The following TMEM41B variants were observed in gnomAD, a reference collection of about 807,000 sequenced individuals.
TMEM41B encodes transmembrane protein 41B.
A neutral mutation model predicts 31.9 loss-of-function variants in TMEM41B; 18 were observed. The ratio of observed to expected loss-of-function variants is 0.56; its 90% CI spans 0.39 to 0.84. The LOEUF is 0.84. TMEM41B is among the 40% of genes least tolerant of loss of function. The pLI is 0.00. For missense variants in TMEM41B, 322 were observed against 348.0 expected (o/e 0.93, Z 0.59); for synonymous variants, 144 against 124.3 (o/e 1.16, Z -1.05).
chr11:9,286,994 C>CT (rs936799310), intron 5 of TMEM41B, among the ~76,000 whole-genome samples: 2 of 150,070 alleles, frequency 1.3e-5, no homozygotes, highest in Admixed American at 1.3e-4. Flanking sequence ...GAGCGAAACT[C>CT]TGACTCAAAA....
chr11:9,311,338 T>C, intron 1 of TMEM41B: 1 of 1,514,780 alleles, frequency 6.6e-7, no homozygotes, highest in Non-Finnish European at 9.1e-7. Flanking sequence ...TGCATCTTTT[T>C]ATGAGCTTTC....
At chr11:9,287,106 G>GAC (rs1371583597) in intron 5 of TMEM41B, among the ~76,000 whole-genome samples, 1 of 151,748 alleles carries the variant, frequency 6.6e-6, no homozygotes, top group Non-Finnish European at 1.5e-5. Flanking sequence ...TGGAGTTCGA[G>GAC]ACCAGCCTGG....
intron 1 of TMEM41B, among the ~76,000 whole-genome samples, chr11:9,309,130 C>G (rs1853470503): frequency 6.6e-6 from 1 of 152,030 alleles, no homozygotes; most frequent in Admixed American, 6.6e-5. Context: ...GCCTGTAATC[C>G]CGGCTACTGG....
chr11:9,310,459 A>T (rs1334072435), intron 1 of TMEM41B, among the ~76,000 whole-genome samples: 2 of 152,068 alleles, frequency 1.3e-5, no homozygotes, highest in Non-Finnish European at 1.5e-5. Flanking sequence ...TTTTAAAAAA[A>T]TGCTTATTAT....
chr11:9,311,585 G>C (rs1853563616), intron 1 of TMEM41B: 1 of 1,065,076 alleles, frequency 9.4e-7, no homozygotes, highest in South Asian at 1.5e-5. Flanking sequence ...CTGGGGGAAA[G>C]GGTGGGTTGA....
In TMEM41B at chr11:9,294,180, C is replaced by CAAAAAAAA. The variant is rs538372314; in HGVS notation, c.368+1071_368+1078dup. On this transcript the variant is annotated intron_variant, in intron 3 of 6. Transcript: ENST00000528080. ...TGGGTGACAGGGGGAGAACCTGTCT[C>CAAAAAAAA]AAAAAAAAAAAAAAAAAAAAAAAAA... Among the ~76,000 whole-genome samples, 10 of 73,442 alleles carry CAAAAAAAA rather than the reference C, an allele frequency of 1.4e-4. 1 individual carries two copies. The highest frequency in any genetic ancestry group is 5.0e-4 in the African/African-American group (8 of 16,052). 48.2% of individuals were successfully genotyped at this position (73,442 alleles called of 152,430 possible). A position where few individuals can be genotyped will look rare whatever the true frequency, so the allele number is the denominator to read the frequency against.
intron 1 of TMEM41B, among the ~76,000 whole-genome samples, chr11:9,309,555 A>T (rs72850531): frequency 0.17 from 22,644 of 136,904 alleles, 2,091 homozygotes; most frequent in Non-Finnish European, 0.21. Flanking sequence ...TGCTCATAGT[A>T]GACACCTGAG....
Position 9,286,449 on chromosome 11 carries a change from G to T in TMEM41B, c.706+6C>A, listed in dbSNP as rs1239490190. 10 of 1,607,804 alleles carry T rather than the reference G, an allele frequency of 6.2e-6. No individual in the cohort carries two copies. Among genetic ancestry groups the T allele is most frequent in the Non-Finnish European group, 8.5e-6 (10 of 1,177,452 alleles). On this transcript the variant is annotated splice_donor_region_variant and intron_variant, in intron 6 of 6. Coordinates refer to ENST00000528080, the MANE Select transcript of TMEM41B (RefSeq NM_015012.4). ...GCTCATACACAGCAAGAACCAGAGG[G>T]CTTACCTAGAAAAGTACCAATAAAA...
chr11:9,289,320 ATTT>A (rs11333738), intron 3 of TMEM41B, among the ~76,000 whole-genome samples: 3 of 147,540 alleles, frequency 2.0e-5, no homozygotes, highest in Admixed American at 6.8e-5. Flanking sequence ...TTTAAAATAG[ATTT>A]TTTTTTTTTT....
chr11:9,281,419 T>C lies in TMEM41B; in HGVS notation c.*2005A>G, dbSNP rs571955109. The C allele has an allele frequency of 6.6e-6, 1 of 152,346 alleles. No homozygotes were observed. Among genetic ancestry groups the C allele is most frequent in the Non-Finnish European group, 1.5e-5 (1 of 68,028 alleles). 9.4% of individuals were successfully genotyped at this position (152,346 alleles called of 1,614,324 possible). The stretch of plus-strand genomic sequence containing the variant: ...CAATAATCAATATGTTTTCTTTGTA[T>C]TTACAATAAAATCCATCTGTTAACA... On this transcript the variant is annotated 3_prime_UTR_variant, in exon 7 of 7. Coordinates refer to ENST00000528080, the MANE Select transcript of TMEM41B (RefSeq NM_015012.4).
In TMEM41B at chr11:9,283,505, T is replaced by C; in HGVS notation, c.795A>G (p.Ser265=). The C allele has an allele frequency of 3.1e-6, 5 of 1,613,642 alleles. No homozygotes were observed. The highest frequency in any genetic ancestry group is 3.4e-6 in the Non-Finnish European group (4 of 1,179,836). The part of the protein sequence containing the change: ...TTAGEAVSWN[S]IFILMILAVL... ...CAGCCAAGATCATCAGAATAAATAT[T>C]GAGTTCCAGGAAACAGCTTCTCCTG... The change falls in exon 7 of 7, where the codon TCA becomes TCG. Residue 265 remains serine (S), a synonymous_variant. Transcript: ENST00000528080.
chr11:9,307,480 T>C (rs1853429373), intron 1 of TMEM41B, among the ~76,000 whole-genome samples: 1 of 152,002 alleles, frequency 6.6e-6, no homozygotes, highest in South Asian at 2.1e-4. Context: ...GTTTCTCTTG[T>C]TGCCCAAGCT....
chr11:9,307,902 C>A (rs968077050), intron 1 of TMEM41B, among the ~76,000 whole-genome samples: 1 of 152,086 alleles, frequency 6.6e-6, no homozygotes, highest in Admixed American at 6.5e-5. Context: ...CCACCCGCCA[C>A]CTCTCCCGGC....
rs1373300462 is a variant in TMEM41B at position 9,295,532 on chromosome 11, A to G, written c.240-145T>C. ...TAGCAATGTTTAAGTTTAAAAGTTT[A>G]TAATTTTTCTTTTGTTTTGAGACAT... On this transcript the variant is annotated intron_variant, in intron 2 of 6. Coordinates refer to ENST00000528080, the MANE Select transcript of TMEM41B (RefSeq NM_015012.4). 8.5e-6 allele frequency: 5 copies of G among 588,364 alleles called. No individual in the cohort carries two copies. In the South Asian group the frequency reaches 9.2e-5, roughly 11 times the overall value. 36.4% of individuals were successfully genotyped at this position (588,364 alleles called of 1,614,324 possible).
At position 9,284,776 on chromosome 11, in the gene TMEM41B, A is replaced by ATAAG. The variant is rs1554942137; in HGVS notation, c.707-1184_707-1183insCTTA. Reference sequence around the variant, plus strand: ...AGAATCTGTCTCAAAAAGAGAAAAAAAAAGAAAGAAACGTGCTCTGTTCTA... The same window carrying ATAAG: ...AGAATCTGTCTCAAAAAGAGAAAAAATAAGAAAGAAAGAAACGTGCTCTGTTCTA... On this transcript the variant is annotated intron_variant, in intron 6 of 6. Coordinates refer to ENST00000528080, the MANE Select transcript of TMEM41B (RefSeq NM_015012.4). Among the ~76,000 whole-genome samples the ATAAG allele has an allele frequency of 2.6e-5, 4 of 151,232 alleles. No individual in the cohort carries two copies. The East Asian group carries it at 7.8e-4, about 29-fold the overall frequency.
intron 1 of TMEM41B, among the ~76,000 whole-genome samples, chr11:9,308,871 T>C (rs549781276): frequency 6.6e-6 from 1 of 152,284 alleles, no homozygotes; most frequent in East Asian, 1.9e-4. Context: ...AAAATTAACA[T>C]GGAAGCATTT....
At chr11:9,284,785 A>T (rs1414084557) in intron 6 of TMEM41B, among the ~76,000 whole-genome samples, 2 of 151,616 alleles carry the variant, frequency 1.3e-5, no homozygotes, top group African/African-American at 4.8e-5. Context: ...AAAAAGAAAG[A>T]AACGTGCTCT....
At chr11:9,308,557 T>G (rs903718420) in intron 1 of TMEM41B, among the ~76,000 whole-genome samples, 1 of 152,194 alleles carries the variant, frequency 6.6e-6, no homozygotes, top group Non-Finnish European at 1.5e-5. Flanking sequence ...TCTTTCCTTA[T>G]AGCCACCTAA....
chr11:9,282,729 C>A lies in TMEM41B; in HGVS notation c.*695G>T, dbSNP rs375943143. ...CGGGCAGATCACGAGGTCAGGAGAT[C>A]GAGACCATCCTGGCTAACACGGTGA... On this transcript the variant is annotated 3_prime_UTR_variant, in exon 7 of 7. Transcript: ENST00000528080. 16 of 151,992 alleles carry A rather than the reference C, an allele frequency of 1.1e-4. No homozygotes were observed. The highest frequency in any genetic ancestry group is 3.6e-4 in the African/African-American group (15 of 41,466). The allele number at this position is 151,992 out of a possible 1,614,324, so 9.4% of individuals were successfully genotyped here. A position where few individuals can be genotyped will look rare whatever the true frequency, so the allele number is the denominator to read the frequency against.
Sources: gnomAD v4.1 joint callset for allele counts (sites outside exome capture counted in the v4.1 genomes callset) on GRCh38, gnomAD v4.1.1 for gene constraint, MANE v1.5 for transcripts, NCBI Gene and HGNC (gene_info 2026-07-23, HGNC 2026-07-21) for gene names.